Variants in PRKG1 observed in about 807,000 individuals in gnomAD.
PRKG1 encodes protein kinase cGMP-dependent 1.
PRKG1 carries 35 observed loss-of-function variants against 88.1 expected under a neutral mutation model. That is an observed-to-expected ratio of 0.40 (90% confidence interval 0.30 to 0.53). The LOEUF is 0.53. PRKG1 is among the 20% of genes least tolerant of loss of function. PRKG1 has a pLI of 0.59. For synonymous variants in PRKG1, 303 were observed against 292.5 expected (o/e 1.04, Z -0.37); for missense variants, 540 against 839.8 (o/e 0.64, Z 4.41).
At chr10:52,215,451 A>G (rs1840087453) in intron 9 of PRKG1, among the ~76,000 whole-genome samples, 1 of 152,136 alleles carries the variant, frequency 6.6e-6, no homozygotes, top group South Asian at 2.1e-4. Context: ...ATTCTATGCT[A>G]TAAAGCGAGA....
At chr10:52,277,422 T>TA (rs2132442080) in intron 12 of PRKG1, among the ~76,000 whole-genome samples, 1 of 152,290 alleles carries the variant, frequency 6.6e-6, no homozygotes, top group East Asian at 1.9e-4. Flanking sequence ...ACATAGTAGC[T>TA]AAAAAATAGT....
At chr10:51,471,832 A>C (rs1265714074) in intron 3 of PRKG1, among the ~76,000 whole-genome samples, 2 of 151,910 alleles carry the variant, frequency 1.3e-5, no homozygotes, top group Non-Finnish European at 2.9e-5. Flanking sequence ...ACTTTTCAGG[A>C]AAACATCTTG....
At chr10:51,638,138 C>G (rs975814440) in intron 3 of PRKG1, among the ~76,000 whole-genome samples, 6 of 152,114 alleles carry the variant, frequency 3.9e-5, no homozygotes, top group Non-Finnish European at 7.4e-5. Flanking sequence ...TACTAATAAA[C>G]TTTTTACAAA....
At chr10:51,600,546 A>G (rs1201908537) in intron 3 of PRKG1, among the ~76,000 whole-genome samples, 1 of 152,148 alleles carries the variant, frequency 6.6e-6, no homozygotes, top group Non-Finnish European at 1.5e-5. Context: ...GTTAAAAAGT[A>G]AAAAGAAGCA....
chr10:51,128,631 G>A (rs1358781421), intron 1 of PRKG1, among the ~76,000 whole-genome samples: 1 of 152,146 alleles, frequency 6.6e-6, no homozygotes, highest in Admixed American at 6.5e-5. Flanking sequence ...AGGGTAAGTG[G>A]AATTGCAAAT....
intron 2 of PRKG1, among the ~76,000 whole-genome samples, chr10:51,262,124 G>T (rs10996394): frequency 0.02 from 3,073 of 151,778 alleles, 94 homozygotes; most frequent in African/African-American, 0.07. Flanking sequence ...CTGACCTCGT[G>T]ATCCGCCCGC....
At chr10:51,873,672 T>C (rs4935289) in intron 4 of PRKG1, among the ~76,000 whole-genome samples, 62,112 of 151,486 alleles carry the variant, frequency 0.41, 14,457 homozygotes, top group African/African-American at 0.62. Context: ...GGATTACAGG[T>C]ACGTGCCACC....
chr10:51,504,645 A>C (rs1420583155), intron 3 of PRKG1, among the ~76,000 whole-genome samples: 7 of 151,844 alleles, frequency 4.6e-5, no homozygotes, highest in Admixed American at 2.6e-4. Flanking sequence ...CTTTTATTTC[A>C]TTGAGCAGTG....
At chr10:51,698,778 T>C (rs1424545729) in intron 3 of PRKG1, 7 of 1,614,126 alleles carry the variant, frequency 4.3e-6, no homozygotes, top group Non-Finnish European at 5.1e-6. Context: ...CCACCCTGGA[T>C]AGGAGTCTGC....
rs1554844521 is a variant in PRKG1, at chr10:51,817,348, C to CG, written c.698+12658_698+12659insG. On this transcript the variant is annotated intron_variant, in intron 4 of 17. Coordinates refer to ENST00000373980, the MANE Select transcript of PRKG1 (RefSeq NM_006258.4). ...TTCTCCTAGTGCTATCCCTCCCCAACCCCCCCCCTCCCCTGACAGGCCCTG... is the reference window on the plus strand; with the variant it reads ...TTCTCCTAGTGCTATCCCTCCCCAACGCCCCCCCCTCCCCTGACAGGCCCTG... 7.1e-4 allele frequency among the ~76,000 whole-genome samples: 26 copies of CG among 36,846 alleles called. 2 individuals are homozygous for CG. The highest frequency in any genetic ancestry group is 1.9e-3 in the East Asian group (2 of 1,054). 24.2% of individuals were successfully genotyped at this position (36,846 alleles called of 152,430 possible).
At chr10:52,090,225 T>C (rs1847021647) in intron 7 of PRKG1, among the ~76,000 whole-genome samples, 1 of 152,058 alleles carries the variant, frequency 6.6e-6, no homozygotes, top group African/African-American at 2.4e-5. Flanking sequence ...GGGTATCTTG[T>C]AGTGCTAGAA....
intron 1 of PRKG1, among the ~76,000 whole-genome samples, chr10:50,996,107 A>G (rs1017154513): frequency 6.6e-6 from 1 of 152,234 alleles, no homozygotes; most frequent in Non-Finnish European, 1.5e-5. Context: ...ACACAATGCT[A>G]TAAAATAGCA....
At position 51,743,721 on chromosome 10, in the gene PRKG1, T is replaced by G. The variant is rs1837501922; in HGVS notation, c.593-60864T>G. ...ATATAATATAAACTAAATATATATA[T>G]ATATAATATAAACTAAATATATATA... On this transcript the variant is annotated intron_variant, in intron 3 of 17. Transcript: ENST00000373980. Among the ~76,000 whole-genome samples, 8 of 65,080 alleles carry G rather than the reference T, an allele frequency of 1.2e-4. 1 individual carries two copies. Among genetic ancestry groups the G allele is most frequent in the Admixed American group, 1.1e-3 (8 of 7,318 alleles). The allele number at this position is 65,080 out of a possible 152,430, so 42.7% of individuals were successfully genotyped here.
At chr10:51,977,899 A>G (rs778300074) in intron 5 of PRKG1, among the ~76,000 whole-genome samples, 31 of 151,948 alleles carry the variant, frequency 2.0e-4, no homozygotes, top group Non-Finnish European at 3.4e-4. Flanking sequence ...GTTTGCAAAA[A>G]TTTTCTCCCA....
intron 7 of PRKG1, among the ~76,000 whole-genome samples, chr10:52,127,077 A>T (rs901827173): frequency 1.3e-5 from 2 of 152,134 alleles, no homozygotes; most frequent in Non-Finnish European, 2.9e-5. Context: ...CAGGGCAGAG[A>T]TAGTGGTGGC....
At chr10:51,768,026 A>AC (rs1424685866) in intron 3 of PRKG1, among the ~76,000 whole-genome samples, 1,793 of 149,424 alleles carry the variant, frequency 0.012, 40 homozygotes, top group African/African-American at 0.042. Flanking sequence ...AAAATAAATA[A>AC]ATAAAAAAAC....
chr10:51,085,748 A>G (rs977817450), intron 1 of PRKG1, among the ~76,000 whole-genome samples: 1 of 152,154 alleles, frequency 6.6e-6, no homozygotes, highest in African/African-American at 2.4e-5. Flanking sequence ...GCAAAATGAA[A>G]GAATTGCTCG....
intron 5 of PRKG1, among the ~76,000 whole-genome samples, chr10:51,925,052 T>G (rs1842544044): frequency 6.6e-6 from 1 of 152,048 alleles, no homozygotes; most frequent in African/African-American, 2.4e-5. Context: ...GTTTTGGTTC[T>G]AAGGCTTGTT....
At chr10:51,400,055 A>G (rs1837693842) in intron 2 of PRKG1, among the ~76,000 whole-genome samples, 1 of 152,186 alleles carries the variant, frequency 6.6e-6, no homozygotes, top group African/African-American at 2.4e-5. Context: ...TTAATTAGCC[A>G]GTCATTGTTG....
Sources: gnomAD v4.1 joint callset for allele counts (sites outside exome capture counted in the v4.1 genomes callset) on GRCh38, gnomAD v4.1.1 for gene constraint, MANE v1.5 for transcripts, NCBI Gene and HGNC (gene_info 2026-07-23, HGNC 2026-07-21) for gene names.